The following CHODL variants were observed in gnomAD, a reference collection of about 807,000 sequenced individuals.
The protein encoded by CHODL is transmembrane protein MT75.
A neutral mutation model predicts 34.5 loss-of-function variants in CHODL; 29 were observed. That is an observed-to-expected ratio of 0.84 (90% CI 0.63 to 1.15). The LOEUF (loss-of-function observed/expected upper bound fraction) is 1.15. CHODL is among the 50% of genes most tolerant of loss of function. CHODL has a pLI of 0.00. For synonymous variants in CHODL, 125 were observed against 116.1 expected (o/e 1.08, Z -0.49); for missense variants, 332 against 332.5 (o/e 1.00, Z 0.01).
Position 18,088,176 on chromosome 21 carries a change from C to T in CHODL, c.-45+60205C>T, listed in dbSNP as rs553829213. On this transcript the variant is annotated intron_variant, in intron 2 of 6. Coordinates refer to the CHODL transcript ENST00000400127. ...GTGACACGAGCCAAACCATATCAGC[C>T]TGGTTTCCCTGAGGACCGGAGAGGG... is the stretch of plus-strand genomic sequence containing the variant. Among the ~76,000 whole-genome samples, 7 of 152,244 alleles carry T rather than the reference C, an allele frequency of 4.6e-5. No individual in the cohort carries two copies. In the South Asian group the frequency reaches 1.2e-3, roughly 27 times the overall value.
chr21:18,027,137 G>C (rs1051438103), intron 1 of CHODL, among the ~76,000 whole-genome samples: 1 of 151,742 alleles, frequency 6.6e-6, no homozygotes, highest in Non-Finnish European at 1.5e-5. Flanking sequence ...AGCTGAGTGT[G>C]GTGGCACATG....
chr21:18,229,907 T>G (rs2073963822), intron 2 of CHODL, among the ~76,000 whole-genome samples: 1 of 152,140 alleles, frequency 6.6e-6, no homozygotes, highest in Non-Finnish European at 1.5e-5. Flanking sequence ...AGTTTCCTGG[T>G]CACCTACATT....
intron 1 of CHODL, among the ~76,000 whole-genome samples, chr21:18,255,638 A>G (rs1395578685): frequency 6.6e-6 from 1 of 152,102 alleles, no homozygotes; most frequent in African/African-American, 2.4e-5. Flanking sequence ...TAGCTCTTTT[A>G]TTTCATGATA....
intron 2 of CHODL, among the ~76,000 whole-genome samples, chr21:18,067,045 A>G (rs2064740619): frequency 6.6e-6 from 1 of 152,188 alleles, no homozygotes; most frequent in African/African-American, 2.4e-5. Flanking sequence ...AGCTCTAGTG[A>G]ACTAATACAG....
Position 18,172,958 on chromosome 21 carries a change from T to A in CHODL, c.-44-83551T>A, listed in dbSNP as rs891545352. On this transcript the variant is annotated intron_variant, in intron 2 of 6. Coordinates refer to the CHODL transcript ENST00000400127. ...CATTCAGTTTACTGGCAGAATTTAG[T>A]TTACTGGTGGAATTCAGTTCCTTGC... Among the ~76,000 whole-genome samples, 6 of 152,188 alleles carry A rather than the reference T, an allele frequency of 3.9e-5. No homozygotes were observed. The South Asian group carries it at 1.2e-3, about 32-fold the overall frequency.
chr21:17,975,539 T>C lies in CHODL; in HGVS notation c.-144-52333T>C, dbSNP rs536643076. On this transcript the variant is annotated intron_variant, in intron 1 of 6. Transcript: ENST00000400127. ...TATTTTTCTACATCATACCATGTTA[T>C]TTTCTTTCCTCACACACGCCACATT... is the stretch of plus-strand genomic sequence containing the variant. 3.3e-5 allele frequency among the ~76,000 whole-genome samples: 5 copies of C among 152,320 alleles called. No individual in the cohort carries two copies. In the East Asian group the frequency reaches 5.8e-4, roughly 18 times the overall value.
chr21:18,266,828 T>C lies in CHODL; in HGVS notation c.*790T>C, dbSNP rs2074468605. On this transcript the variant is annotated 3_prime_UTR_variant, in exon 6 of 6. Coordinates refer to ENST00000299295, the MANE Select transcript of CHODL (RefSeq NM_024944.3). ...ACTTTGTTAATAGGTGCATAAACAC[T>C]AATGCAGTCAATTTGAACAAAAGAA... The C allele has an allele frequency of 6.6e-6, 1 of 152,650 alleles. No homozygotes were observed. The highest frequency in any genetic ancestry group is 2.1e-4 in the South Asian group (1 of 4,828). 9.5% of individuals were successfully genotyped at this position (152,650 alleles called of 1,614,324 possible).
intron 2 of CHODL, among the ~76,000 whole-genome samples, chr21:18,072,812 C>T (rs1218603329): frequency 6.6e-6 from 1 of 152,094 alleles, no homozygotes; most frequent in African/African-American, 2.4e-5. Context: ...GGGTGGAGAA[C>T]CTCTTATACC....
intron 1 of CHODL, among the ~76,000 whole-genome samples, chr21:18,002,573 C>G (rs941276549): frequency 1.2e-4 from 19 of 152,174 alleles, no homozygotes; most frequent in Non-Finnish European, 2.8e-4. Flanking sequence ...CAGGATATCT[C>G]CAGGTGGTGT....
chr21:17,948,081 T>C (rs1160555635), intron 1 of CHODL, among the ~76,000 whole-genome samples: 3 of 152,172 alleles, frequency 2.0e-5, no homozygotes, highest in South Asian at 2.1e-4. Flanking sequence ...TTCTCACTTA[T>C]AAGTAGTAGC....
chr21:17,936,244 A>G (rs1322876899), intron 1 of CHODL, among the ~76,000 whole-genome samples: 1 of 152,200 alleles, frequency 6.6e-6, no homozygotes, highest in Non-Finnish European at 1.5e-5. Flanking sequence ...TCTAAAAGTC[A>G]TTGGGAAGGA....
At chr21:18,169,242 G>A (rs546275846) in intron 2 of CHODL, among the ~76,000 whole-genome samples, 1 of 151,666 alleles carries the variant, frequency 6.6e-6, no homozygotes, top group Admixed American at 6.6e-5. Context: ...AGTCAGTTTT[G>A]GTACATTTTT....
chr21:17,954,108 G>GA (rs1214979242), intron 1 of CHODL, among the ~76,000 whole-genome samples: 1 of 151,992 alleles, frequency 6.6e-6, no homozygotes, highest in Non-Finnish European at 1.5e-5. Flanking sequence ...TAAGCAAAAA[G>GA]AAAAAAATTT....
At position 18,112,663 on chromosome 21, in the gene CHODL, G is replaced by GAA. The variant is rs559208779; in HGVS notation, c.-45+84697_-45+84698dup. On this transcript the variant is annotated intron_variant, in intron 2 of 6. Transcript: ENST00000400127. ...AAAAATGCCAAGAACATACATTGGG[G>GAA]AAAAAACACTGTCTTTGATAAATGG... Among the ~76,000 whole-genome samples, 32 of 152,252 alleles carry GAA rather than the reference G, an allele frequency of 2.1e-4. No individual in the cohort carries two copies. The South Asian group carries it at 6.2e-3, about 30-fold the overall frequency.
At chr21:17,993,059 G>T (rs1439618716) in intron 1 of CHODL, among the ~76,000 whole-genome samples, 1 of 152,056 alleles carries the variant, frequency 6.6e-6, no homozygotes, top group Admixed American at 6.5e-5. Flanking sequence ...TCCTCGTCTG[G>T]TTAGGACTTC....
chr21:18,016,934 G>T (rs894484745), intron 1 of CHODL, among the ~76,000 whole-genome samples: 1 of 152,230 alleles, frequency 6.6e-6, no homozygotes, highest in African/African-American at 2.4e-5. Flanking sequence ...GACTTGCATG[G>T]GGCCTGCGGC....
intron 2 of CHODL, among the ~76,000 whole-genome samples, chr21:18,101,714 ATT>A (rs71848643): frequency 0.47 from 67,412 of 144,660 alleles, 15,959 homozygotes; most frequent in African/African-American, 0.51. Flanking sequence ...CATTTACAAC[ATT>A]TTTTTTTTTT....
At chr21:18,056,928 C>T in intron 2 of CHODL, among the ~76,000 whole-genome samples, 1 of 151,982 alleles carries the variant, frequency 6.6e-6, no homozygotes, top group Admixed American at 6.6e-5. Context: ...CAGAAGTCTT[C>T]CCCAATATCT....
chr21:17,964,895 G>C (rs2063559720), intron 1 of CHODL, among the ~76,000 whole-genome samples: 1 of 152,252 alleles, frequency 6.6e-6, no homozygotes, highest in Non-Finnish European at 1.5e-5. Flanking sequence ...GCAACTGCTG[G>C]TTTCCCCATG....
Sources: gnomAD v4.1 joint callset for allele counts (sites outside exome capture counted in the v4.1 genomes callset) on GRCh38, gnomAD v4.1.1 for gene constraint, MANE v1.5 for transcripts, NCBI Gene and HGNC (gene_info 2026-07-23, HGNC 2026-07-21) for gene names.